The following ERLIN2 variants were observed in gnomAD, a reference collection of about 807,000 sequenced individuals.
ERLIN2 encodes the protein ER lipid raft associated 2.
Under a neutral mutation model 41.5 loss-of-function variants are expected in ERLIN2, and 22 were observed. That is an observed-to-expected ratio of 0.53 (90% CI 0.38 to 0.76). The LOEUF is 0.76. Ranked by LOEUF, ERLIN2 falls within the 30% of genes least tolerant of loss-of-function variation. The pLI, the probability that ERLIN2 is intolerant of heterozygous loss-of-function variation, is 0.00. For missense variants in ERLIN2, 247 were observed against 414.3 expected, an observed-to-expected ratio of 0.60 and a Z score of 3.51; for synonymous variants, 149 against 150.9, an observed-to-expected ratio of 0.99 and a Z score of 0.09.
At chr8:37,747,823 G>A (rs748271711) in intron 6 of ERLIN2, 1 of 1,614,210 alleles carries the variant, frequency 6.2e-7, no homozygotes, top group South Asian at 1.1e-5. Flanking sequence ...ATGTTTGGCA[G>A]CATCAATCAC....
At chr8:37,740,536 G>C (rs1281054010) in intron 3 of ERLIN2, 90 bp downstream of exon 3, 2 of 752,048 alleles carry the variant, frequency 2.7e-6, no homozygotes, top group South Asian at 1.3e-5. Flanking sequence ...CATTGGATGA[G>C]TAAAATGCCA....
rs1192202713 is a variant in ERLIN2, at chr8:37,746,554, TTTTG to T, written c.424+1862_424+1865del. On this transcript the variant is annotated intron_variant, in intron 6 of 11. Coordinates refer to ENST00000519638, the MANE Select transcript of ERLIN2 (RefSeq NM_007175.8). ...AAAGTAAAAGATACACAACAGATCA[TTTTG>T]TTTATCTCACTATCATTTATTAATC... 43 of 962,704 alleles carry T rather than the reference TTTTG, an allele frequency of 4.5e-5. No homozygotes were observed. In the African/African-American group the frequency reaches 5.8e-4, roughly 13 times the overall value. 59.6% of individuals were successfully genotyped at this position (962,704 alleles called of 1,614,324 possible). A position where few individuals can be genotyped will look rare whatever the true frequency, so the allele number is the denominator to read the frequency against.
rs1298527974 is a variant in ERLIN2 at position 37,756,390 on chromosome 8, C to T, written c.*2275C>T. ...AAAACACCAATTCACCACAGTAGAACCGGGAGCAGGGATAGCTCAGCTTCT... is the reference window on the plus strand; with the variant it reads ...AAAACACCAATTCACCACAGTAGAATCGGGAGCAGGGATAGCTCAGCTTCT... On this transcript the variant is annotated 3_prime_UTR_variant, in exon 12 of 12. Coordinates refer to ENST00000519638, the MANE Select transcript of ERLIN2 (RefSeq NM_007175.8). 1.3e-5 allele frequency: 2 copies of T among 152,410 alleles called. No homozygotes were observed. The highest frequency in any genetic ancestry group is 2.9e-5 in the Non-Finnish European group (2 of 68,024). The allele number at this position is 152,410 out of a possible 1,614,324, so 9.4% of individuals were successfully genotyped here. A position where few individuals can be genotyped will look rare whatever the true frequency, so the allele number is the denominator to read the frequency against.
At position 37,753,439 on chromosome 8, in the gene ERLIN2, T is replaced by C. The variant is rs1467269514; in HGVS notation, c.740-11T>C. 11 of 1,612,752 alleles carry C rather than the reference T, an allele frequency of 6.8e-6. No homozygotes were observed. Among genetic ancestry groups the C allele is most frequent in the Non-Finnish European group, 9.3e-6 (11 of 1,178,762 alleles). On this transcript the variant is annotated splice_polypyrimidine_tract_variant and intron_variant, in intron 10 of 11. Coordinates refer to ENST00000519638, the MANE Select transcript of ERLIN2 (RefSeq NM_007175.8). ...CACTTCACCAAGTTCACTGCACTCC[T>C]TCCCCCTCAGATGCTGCATTTCTGG...
At chr8:37,738,086 G>A in intron 2 of ERLIN2, 57 bp downstream of exon 2, 1 of 1,602,690 alleles carries the variant, frequency 6.2e-7, no homozygotes, top group Non-Finnish European at 8.5e-7. Flanking sequence ...CCCTTTCCTG[G>A]TCATTGCTTT....
At chr8:37,736,737 GC>G in intron 1 of ERLIN2, 59 bp downstream of exon 1, 2 of 985,758 alleles carry the variant, frequency 2.0e-6, no homozygotes, top group Non-Finnish European at 2.4e-6. Context: ...CAGGGTCGGG[GC>G]TGACCCGTCA....
At position 37,751,672 on chromosome 8, in the gene ERLIN2, G is replaced by A. The variant is rs138164407; in HGVS notation, c.696G>A (p.Lys232=). 8,345 of 1,613,940 alleles carry A rather than the reference G, an allele frequency of 5.2e-3. 27 individuals are homozygous for A. The highest frequency in any genetic ancestry group is 6.4e-3 in the Non-Finnish European group (7,601 of 1,179,796). Residue 232 remains lysine (K), a synonymous_variant, in exon 10 of 12, where the codon AAG becomes AAA. Coordinates refer to ENST00000519638, the MANE Select transcript of ERLIN2 (RefSeq NM_007175.8). ...TGGCTGAGATCACCTACGGGCAGAA[G>A]GTGATGGAGAAGGAGACTGAGAAGA... is the stretch of plus-strand genomic sequence containing the variant. ...AQVAEITYGQ[K]VMEKETEKKI...
intron 2 of ERLIN2, among the ~76,000 whole-genome samples, chr8:37,739,111 TGCTTTATG>T (rs922280416): frequency 6.6e-6 from 1 of 152,338 alleles, no homozygotes; most frequent in African/African-American, 2.4e-5. Context: ...CCAAGTGTTT[TGCTTTATG>T]TCTTTATGAA....
chr8:37,745,791 G>T, intron 6 of ERLIN2: 1 of 1,411,648 alleles, frequency 7.1e-7, no homozygotes, highest in Non-Finnish European at 9.2e-7. Flanking sequence ...TCTTTTATCT[G>T]TTTTGGATTC....
chr8:37,749,416 T>C (rs1250530674), intron 6 of ERLIN2, 143 bp from the exon 7 acceptor site: 3 of 716,650 alleles, frequency 4.2e-6, no homozygotes, highest in Non-Finnish European at 7.6e-6. Context: ...AGGGGATCTT[T>C]AGATTTGTGG....
In ERLIN2 at chr8:37,754,443, A is replaced by G. The variant is rs1803309252; in HGVS notation, c.*328A>G. On this transcript the variant is annotated 3_prime_UTR_variant, in exon 12 of 12. Coordinates refer to ENST00000519638, the MANE Select transcript of ERLIN2 (RefSeq NM_007175.8). ...TCATTAAGGAGAGGGAGAAATGTAG[A>G]GTGTTACCTCCAACTCATTTGATTT... 6 of 370,270 alleles carry G rather than the reference A, an allele frequency of 1.6e-5. No homozygotes were observed. The highest frequency in any genetic ancestry group is 1.3e-4 in the South Asian group (6 of 44,710). 22.9% of individuals were successfully genotyped at this position (370,270 alleles called of 1,614,324 possible). A position where few individuals can be genotyped will look rare whatever the true frequency, so the allele number is the denominator to read the frequency against.
rs186961192 is a variant in ERLIN2 at position 37,745,405 on chromosome 8, A to G, written c.424+709A>G. 1.5e-4 allele frequency: 102 copies of G among 690,018 alleles called. No homozygotes were observed. The African/African-American group carries it at 1.6e-3, about 11-fold the overall frequency. The allele number at this position is 690,018 out of a possible 1,614,324, so 42.7% of individuals were successfully genotyped here. On this transcript the variant is annotated intron_variant, in intron 6 of 11. Transcript: ENST00000519638. ...TTGTCCTTTTTACCTTTTTCAAAGTAAAGGCAACCTGACTTAGCAGCAAAG... is the reference window on the plus strand; with the variant it reads ...TTGTCCTTTTTACCTTTTTCAAAGTGAAGGCAACCTGACTTAGCAGCAAAG...
Position 37,757,813 on chromosome 8 carries a change from A to G in ERLIN2, c.*3698A>G, listed in dbSNP as rs1803393594. On this transcript the variant is annotated 3_prime_UTR_variant, in exon 12 of 12. Transcript: ENST00000519638. ...CCCCATTATCGATACAGAATTTGTGAACGTGGCATAATTCTTGGTAGGTGC... is the reference window on the plus strand; with the variant it reads ...CCCCATTATCGATACAGAATTTGTGGACGTGGCATAATTCTTGGTAGGTGC... 1 of 152,224 alleles carries G rather than the reference A, an allele frequency of 6.6e-6. No individual in the cohort carries two copies. Among genetic ancestry groups the G allele is most frequent in the African/African-American group, 2.4e-5 (1 of 41,458 alleles). 9.4% of individuals were successfully genotyped at this position (152,224 alleles called of 1,614,324 possible).
At chr8:37,743,371 C>A (rs939367609) in intron 4 of ERLIN2, among the ~76,000 whole-genome samples, 2 of 152,208 alleles carry the variant, frequency 1.3e-5, no homozygotes, top group African/African-American at 4.8e-5. Context: ...TTTGGTGAGA[C>A]CTCTCTTTCT....
intron 7 of ERLIN2, 50 bp downstream of exon 7, chr8:37,749,682 C>G: frequency 1.9e-6 from 3 of 1,565,184 alleles, no homozygotes; most frequent in Non-Finnish European, 2.6e-6. Context: ...CACTGCTTCC[C>G]TTCTCCCAAG....
chr8:37,757,611 A>C lies in ERLIN2; in HGVS notation c.*3496A>C, dbSNP rs755617683. ...AGGAATTGTTTTGGACAATACTAAC[A>C]TGTGAATTTATGTCTTAGTTTTATT... is the stretch of plus-strand genomic sequence containing the variant. On this transcript the variant is annotated 3_prime_UTR_variant, in exon 12 of 12. Transcript: ENST00000519638. The C allele has an allele frequency of 6.6e-5, 10 of 152,226 alleles. No homozygotes were observed. Among genetic ancestry groups the C allele is most frequent in the Admixed American group, 2.6e-4 (4 of 15,290 alleles). The allele number at this position is 152,226 out of a possible 1,614,324, so 9.4% of individuals were successfully genotyped here. A position where few individuals can be genotyped will look rare whatever the true frequency, so the allele number is the denominator to read the frequency against.
At position 37,741,802 on chromosome 8, in the gene ERLIN2, G is replaced by A. The variant is rs1802860785; in HGVS notation, c.220G>A (p.Val74Ile). 6.2e-7 allele frequency: 1 copy of A among 1,613,438 alleles called. No homozygotes were observed. Among genetic ancestry groups the A allele is most frequent in the African/African-American group, 1.3e-5 (1 of 74,908 alleles). The change falls in exon 4 of 12, where the codon GTA becomes ATA. Residue 74 changes from valine to isoleucine, a missense_variant. This residue lies in a region of ERLIN2 where 93 missense variants were observed against 139.0 expected (regional missense o/e 0.67). Transcript: ENST00000519638. This position sits in a 1 kb window ranked among gnomAD's most constrained non-coding sequence, Gnocchi z 4.8. ...TTLQTDEVKN[V>I]PCGTSGGVMI... ...ACTCCAGACAGATGAGGTGAAGAAT[G>A]TACCTTGTGGGACTAGGTAAGGTAC...
Position 37,738,043 on chromosome 8 carries a change from A to G in ERLIN2, c.107+14A>G. On this transcript the variant is annotated intron_variant, in intron 2 of 11. Coordinates refer to ENST00000519638, the MANE Select transcript of ERLIN2 (RefSeq NM_007175.8). ...GGTATATTACAGGTAAGGCAGAGAC[A>G]GGGAGAAGCCGGCAACTTCCTGTTA... is the stretch of plus-strand genomic sequence containing the variant. 2 of 1,613,988 alleles carry G rather than the reference A, an allele frequency of 1.2e-6. No homozygotes were observed. Among genetic ancestry groups the G allele is most frequent in the Non-Finnish European group, 1.7e-6 (2 of 1,179,866 alleles).
intron 6 of ERLIN2, chr8:37,746,072 G>A: frequency 1.0e-6 from 1 of 994,382 alleles, no homozygotes; most frequent in Non-Finnish European, 1.2e-6. Flanking sequence ...CTTGTATGGA[G>A]GAGCTGGGGA....
Sources: gnomAD v4.1 joint callset for allele counts (sites outside exome capture counted in the v4.1 genomes callset) on GRCh38, gnomAD v4.1.1 for gene constraint, gnomAD v4.1.1 regional missense constraint, Gnocchi (gnomAD v3.1) non-coding constraint, MANE v1.5 for transcripts, NCBI Gene and HGNC (gene_info 2026-07-23, HGNC 2026-07-21) for gene names.